Variants in KLKB1 observed in about 807,000 individuals in gnomAD.
The protein encoded by KLKB1 is kallikrein B1.
In KLKB1, 58 loss-of-function variants were observed where a neutral mutation model predicts 73.6. The ratio of observed to expected loss-of-function variants is 0.79; its 90% confidence interval spans 0.64 to 0.98. The LOEUF is 0.98. Among genes scored for constraint, KLKB1 ranks in the 50% least tolerant of loss-of-function variants. The pLI, the probability that KLKB1 is intolerant of heterozygous loss-of-function variation, is 0.00. For missense variants in KLKB1, 737 were observed against 763.8 expected, an observed-to-expected ratio of 0.96 and a Z score of 0.41; for synonymous variants, 280 against 258.1, an observed-to-expected ratio of 1.08 and a Z score of -0.81.
chr4:186,216,622 T>C (rs1319629061), intron 2 of KLKB1, among the ~76,000 whole-genome samples: 1 of 152,172 alleles, frequency 6.6e-6, no homozygotes, highest in East Asian at 1.9e-4. Flanking sequence ...GGGGAGGTTC[T>C]GGAGAAAAAT....
intron 3 of KLKB1, among the ~76,000 whole-genome samples, chr4:186,233,145 C>G (rs1737486178): frequency 6.6e-6 from 1 of 152,134 alleles, no homozygotes; most frequent in Non-Finnish European, 1.5e-5. Flanking sequence ...GAACTCCTGA[C>G]CTCGTGATCC....
Position 186,234,021 on chromosome 4 carries a change from T to C in KLKB1, c.291T>C (p.Ser97=). The change falls in exon 4 of 15, where the codon TCT becomes TCC. Residue 97 remains serine, a synonymous_variant. Coordinates refer to ENST00000264690, the MANE Select transcript of KLKB1 (RefSeq NM_000892.5). ...LPKVHRTGAV[S]GHSLKQCGHQ... The stretch of plus-strand genomic sequence containing the variant: ...AAGTACATCGAACAGGTGCAGTTTC[T>C]GGACATTCCTTGAAGCAATGTGGTC... 6.2e-7 allele frequency: 1 copy of C among 1,614,040 alleles called. No individual in the cohort carries two copies.
chr4:186,217,400 C>T (rs1210222846), intron 2 of KLKB1, among the ~76,000 whole-genome samples: 2 of 152,168 alleles, frequency 1.3e-5, no homozygotes, highest in African/African-American at 4.8e-5. Flanking sequence ...ACTACTGCTG[C>T]ACCACTTGAT....
chr4:186,252,185 G>T lies in KLKB1; in HGVS notation c.1313G>T (p.Gly438Val). The change falls in exon 11 of 15, where the codon GGG (glycine) becomes GTG (valine). Residue 438 changes from glycine to valine, a missense_variant and splice_region_variant. Gly to Val is a moderately radical substitution (Grantham distance 109). Coordinates refer to ENST00000264690, the MANE Select transcript of KLKB1 (RefSeq NM_000892.5). ...CTCACTGCTGCCCACTGCTTTGATG[G>T]GTAAGTGTTGGATGCATCTCATCCA... ...WVLTAAHCFD[G>V]LPLQDVWRIY... 1 of 1,613,460 alleles carries T rather than the reference G, an allele frequency of 6.2e-7. No homozygotes were observed. Among genetic ancestry groups the T allele is most frequent in the African/African-American group, 1.3e-5 (1 of 75,040 alleles).
chr4:186,226,702 CA>C (rs1279483062), upstream of KLKB1, among the ~76,000 whole-genome samples: 9 of 152,284 alleles, frequency 5.9e-5, no homozygotes, highest in South Asian at 1.7e-3. Context: ...GTCCTGGGAA[CA>C]AGGTCCACTG....
rs1671342592 is a variant in KLKB1, at chr4:186,251,926, C to T, written c.1144+65C>T. The T allele has an allele frequency of 1.4e-5, 23 of 1,605,532 alleles. No individual in the cohort carries two copies. In the South Asian group the frequency reaches 1.9e-4, roughly 13 times the overall value. On this transcript the variant is annotated intron_variant, in intron 10 of 14. Coordinates refer to ENST00000264690, the MANE Select transcript of KLKB1 (RefSeq NM_000892.5). ...CTGTCATGTTGATAGTTTGCTTAGT[C>T]TTAAGGAATTATGTGTCTTGTTCTC...
At chr4:186,251,362 G>T in intron 8 of KLKB1, 34 bp downstream of exon 8, 1 of 1,523,344 alleles carries the variant, frequency 6.6e-7, no homozygotes, top group Admixed American at 1.7e-5. Context: ...TACATAAAAT[G>T]TAACCTATTT....
chr4:186,250,916 A>T, intron 7 of KLKB1: 1 of 403,856 alleles, frequency 2.5e-6, no homozygotes, highest in Admixed American at 4.3e-5. Flanking sequence ...CGGCAGCATA[A>T]ATTCCCAGAA....
intron 11 of KLKB1, among the ~76,000 whole-genome samples, chr4:186,252,584 CCAATCCCACCA>C: frequency 7.1e-6 from 1 of 141,014 alleles, no homozygotes; most frequent in Non-Finnish European, 1.6e-5. Flanking sequence ...AATCCCACCA[CCAATCCCACCA>C]CCTACCCCAC....
At chr4:186,249,112 T>A (rs1738535709) in intron 6 of KLKB1, among the ~76,000 whole-genome samples, 1 of 152,238 alleles carries the variant, frequency 6.6e-6, no homozygotes, top group African/African-American at 2.4e-5. Context: ...TCTGTGCATC[T>A]GCAGGTCATC....
chr4:186,216,600 G>T lies in KLKB1; in HGVS notation c.201+7328G>T, dbSNP rs140627654. 1.3e-3 allele frequency among the ~76,000 whole-genome samples: 193 copies of T among 152,246 alleles called. 1 individual carries two copies. The highest frequency in any genetic ancestry group is 1.5e-3 in the Non-Finnish European group (99 of 68,012). The stretch of plus-strand genomic sequence containing the variant: ...GGGAGGTGGAGAGGGCTCCATCCTG[G>T]CACGTGTCTAAGGGGAGGTTCTGGA... On this transcript the variant is annotated intron_variant, in intron 2 of 14. Coordinates refer to the KLKB1 transcript ENST00000511608.
upstream of KLKB1, among the ~76,000 whole-genome samples, chr4:186,223,578 T>A (rs1737077254): frequency 6.6e-6 from 1 of 152,140 alleles, no homozygotes; most frequent in Non-Finnish European, 1.5e-5. Context: ...TTGAGAGAGA[T>A]GATTTAGGGT....
At chr4:186,242,458 G>T (rs4253271) in intron 6 of KLKB1, among the ~76,000 whole-genome samples, 84,668 of 151,648 alleles carry the variant, frequency 0.56, 24,018 homozygotes, top group East Asian at 0.68. Context: ...GATTAGGGGC[G>T]GCGTGGGAAC....
chr4:186,241,012 T>C (rs1738014656), intron 6 of KLKB1, among the ~76,000 whole-genome samples: 2 of 152,124 alleles, frequency 1.3e-5, no homozygotes, highest in Admixed American at 6.5e-5. Context: ...TCTTGTTAAA[T>C]TGCAGTGAGT....
At chr4:186,251,349 T>C (rs1438563267) in intron 8 of KLKB1, 21 bp downstream of exon 8, 1 of 1,528,232 alleles carries the variant, frequency 6.5e-7, no homozygotes, top group East Asian at 2.2e-5. Context: ...TTGATAATAA[T>C]ATTACATAAA....
intron 11 of KLKB1, among the ~76,000 whole-genome samples, chr4:186,254,111 G>A (rs1343423984): frequency 1.3e-5 from 2 of 152,226 alleles, no homozygotes; most frequent in Admixed American, 1.3e-4. Context: ...GGGATTACAG[G>A]TGTGGGCCAC....
At chr4:186,234,088 A>G in intron 4 of KLKB1, 30 bp downstream of exon 4, 1 of 1,504,740 alleles carries the variant, frequency 6.6e-7, no homozygotes, top group Non-Finnish European at 9.3e-7. Flanking sequence ...GCTACATTTG[A>G]GTTAATATTG....
At chr4:186,233,211 C>T (rs1373464357) in intron 3 of KLKB1, among the ~76,000 whole-genome samples, 5 of 152,162 alleles carry the variant, frequency 3.3e-5, no homozygotes, top group East Asian at 1.9e-4. Flanking sequence ...CCGCACCCAG[C>T]GGTAATTACA....
At chr4:186,226,336 G>A (rs1737167527), upstream of KLKB1, 1 of 152,154 alleles carries the variant, frequency 6.6e-6, no homozygotes, top group African/African-American at 2.4e-5. Context: ...CCGATTATTT[G>A]TGATCAGTGT....
Sources: allele counts gnomAD v4.1 joint callset (sites outside exome capture counted in the v4.1 genomes callset), GRCh38; gene constraint gnomAD v4.1.1; transcripts MANE v1.5; gene names NCBI Gene and HGNC (gene_info 2026-07-23, HGNC 2026-07-21).